The following ABCB5 variants were observed in gnomAD, a reference collection of about 807,000 sequenced individuals.
ABCB5 encodes ATP binding cassette subfamily B member 5, also known as ATP-binding cassette sub-family B member 5.
Under a neutral mutation model 144.2 loss-of-function variants are expected in ABCB5, and 155 were observed. The ratio of observed to expected loss-of-function variants is 1.08; its 90% confidence interval spans 0.94 to 1.23. ABCB5 has a LOEUF of 1.23. Ranked by LOEUF, ABCB5 falls within the 50% of genes most tolerant of loss-of-function variation. The pLI, the probability that ABCB5 is intolerant of heterozygous loss-of-function variation, is 0.00. For synonymous variants in ABCB5, 610 were observed against 528.6 expected, an observed-to-expected ratio of 1.15 and a Z score of -2.11; for missense variants, 1,830 against 1,520.8, an observed-to-expected ratio of 1.20 and a Z score of -3.38.
chr7:20,629,736 T>A (rs1046378384), intron 4 of ABCB5, among the ~76,000 whole-genome samples: 3 of 151,756 alleles, frequency 2.0e-5, no homozygotes, highest in Non-Finnish European at 4.4e-5. Context: ...CACTCCAGCC[T>A]GGGCAACAAG....
rs769995003 is a variant in ABCB5 at position 20,738,995 on chromosome 7, A to C, written c.2880A>C (p.Ala960=). Residue 960 remains alanine (A), a synonymous_variant, in exon 24 of 28, where the codon GCA becomes GCC. Coordinates refer to ENST00000404938, the MANE Select transcript of ABCB5 (RefSeq NM_001163941.2). ...TATCTTTTGATAGAGTTTTTACTGCAATTGCATATGGAGCTATGGCCATCG... is the reference window on the plus strand; with the variant it reads ...TATCTTTTGATAGAGTTTTTACTGCCATTGCATATGGAGCTATGGCCATCG... ...TPEGMFIVFT[A]IAYGAMAIGE... The C allele has an allele frequency of 1.9e-6, 3 of 1,599,026 alleles. No individual in the cohort carries two copies. In the African/African-American group the frequency reaches 4.1e-5, roughly 22 times the overall value.
rs111647033 is a variant in ABCB5, at chr7:20,727,068, G to C, written c.2654G>C (p.Arg885Pro). Reference protein sequence around the residue: ...KIATEALENIRTIVSLTREKA... With the variant: ...KIATEALENIPTIVSLTREKA... ...GCAACTGAAGCTTTGGAGAATATAC[G>C]TACTATAGTGTCATTAACAAGGGAA... The change falls in exon 22 of 28, where the codon CGT (arginine) becomes CCT (proline). Residue 885 changes from arginine to proline, a missense_variant. Transcript: ENST00000404938. 1.0e-4 allele frequency: 165 copies of C among 1,613,234 alleles called. No individual in the cohort carries two copies. The African/African-American group carries it at 1.9e-3, about 19-fold the overall frequency.
chr7:20,688,395 T>G (rs1339406385), intron 16 of ABCB5, among the ~76,000 whole-genome samples: 1 of 152,150 alleles, frequency 6.6e-6, no homozygotes, highest in African/African-American at 2.4e-5. Flanking sequence ...TATGGGGAGT[T>G]GGGTAGCGAA....
At chr7:20,628,862 T>C (rs1005313354) in intron 4 of ABCB5, 24 bp downstream of exon 4, 4 of 1,610,830 alleles carry the variant, frequency 2.5e-6, no homozygotes, top group Non-Finnish European at 3.4e-6. Flanking sequence ...TATTTTTCTG[T>C]ATCACTTAAG....
chr7:20,642,467 G>C (rs1256384399), intron 5 of ABCB5, among the ~76,000 whole-genome samples: 1 of 152,048 alleles, frequency 6.6e-6, no homozygotes, highest in Non-Finnish European at 1.5e-5. Context: ...CCCAACCCAT[G>C]TTTACTCACC....
chr7:20,751,961 G>A (rs1782944492), intron 26 of ABCB5, among the ~76,000 whole-genome samples: 2 of 152,328 alleles, frequency 1.3e-5, no homozygotes, highest in South Asian at 4.1e-4. Context: ...ACCTATGCAT[G>A]TTAAATTGAA....
At chr7:20,731,783 A>C (rs1050464699) in intron 23 of ABCB5, among the ~76,000 whole-genome samples, 21 of 152,136 alleles carry the variant, frequency 1.4e-4, no homozygotes, top group African/African-American at 4.8e-4. Context: ...TGTCCACCAC[A>C]TAAATCACTG....
At chr7:20,664,718 T>C (rs573356444) in intron 14 of ABCB5, among the ~76,000 whole-genome samples, 1,643 of 120,424 alleles carry the variant, frequency 0.014, 23 homozygotes, top group African/African-American at 0.054. Flanking sequence ...CCATTTACTC[T>C]TCTTACCCAC....
chr7:20,662,923 A>G (rs1309882489), intron 14 of ABCB5, among the ~76,000 whole-genome samples: 2 of 152,214 alleles, frequency 1.3e-5, no homozygotes, highest in East Asian at 1.9e-4. Flanking sequence ...CCCCGAAGCC[A>G]TTTGTGGGTC....
intron 17 of ABCB5, among the ~76,000 whole-genome samples, 182 bp from the exon 18 acceptor site, chr7:20,699,643 T>C (rs1335319801): frequency 6.6e-6 from 1 of 151,928 alleles, no homozygotes; most frequent in Admixed American, 6.6e-5. Context: ...AGAGGTTGCA[T>C]TGAGCCAAGA....
At chr7:20,687,894 T>C (rs927129549) in intron 16 of ABCB5, among the ~76,000 whole-genome samples, 1 of 150,446 alleles carries the variant, frequency 6.6e-6, no homozygotes, top group Admixed American at 6.6e-5. Flanking sequence ...CTGAAATAAA[T>C]AAAAATAAAA....
intron 20 of ABCB5, among the ~76,000 whole-genome samples, chr7:20,717,443 T>A (rs1306242090): frequency 1.4e-5 from 2 of 146,464 alleles, no homozygotes; most frequent in Non-Finnish European, 3.1e-5. Context: ...TCCTCTTTTT[T>A]TTTTTTTTTT....
chr7:20,733,871 C>G (rs1782302898), intron 23 of ABCB5, among the ~76,000 whole-genome samples: 1 of 152,088 alleles, frequency 6.6e-6, no homozygotes, highest in South Asian at 2.1e-4. Flanking sequence ...AACTCCGGAC[C>G]TCAAGTGATC....
intron 15 of ABCB5, among the ~76,000 whole-genome samples, chr7:20,685,429 T>A (rs1376401745): frequency 6.6e-6 from 1 of 152,202 alleles, no homozygotes; most frequent in Non-Finnish European, 1.5e-5. Context: ...GTGATATAAT[T>A]GCTTGGATTA....
In ABCB5 at chr7:20,624,263, A is replaced by G. The variant is rs191834042; in HGVS notation, c.53+925A>G. The stretch of plus-strand genomic sequence containing the variant: ...TGTGTTCGGCATATATTCCACAGGA[A>G]GCATTGTAACTGTACAGTTAAGAGT... On this transcript the variant is annotated intron_variant, in intron 2 of 27. Coordinates refer to ENST00000404938, the MANE Select transcript of ABCB5 (RefSeq NM_001163941.2). Among the ~76,000 whole-genome samples the G allele has an allele frequency of 3.0e-3, 461 of 152,310 alleles. 11 individuals are homozygous for G. Among genetic ancestry groups the G allele is most frequent in the Admixed American group, 0.028 (424 of 15,304 alleles).
intron 20 of ABCB5, among the ~76,000 whole-genome samples, chr7:20,715,394 G>C (rs1024520360): frequency 6.6e-6 from 1 of 151,874 alleles, no homozygotes; most frequent in Non-Finnish European, 1.5e-5. Context: ...GAGCTGGAAT[G>C]CGTGGTGTAT....
chr7:20,635,315 A>G (rs1784132784), intron 5 of ABCB5, among the ~76,000 whole-genome samples: 1 of 151,266 alleles, frequency 6.6e-6, no homozygotes, highest in Admixed American at 6.6e-5. Flanking sequence ...GCCTTGTAGT[A>G]CAATTTGAAA....
chr7:20,629,867 T>A (rs1374902605), intron 4 of ABCB5, among the ~76,000 whole-genome samples: 1 of 152,118 alleles, frequency 6.6e-6, no homozygotes, highest in East Asian at 1.9e-4. Context: ...GGTTTTTTGG[T>A]AGTAGTTTTT....
chr7:20,648,692 C>T (rs967929367), intron 11 of ABCB5, among the ~76,000 whole-genome samples: 1 of 152,168 alleles, frequency 6.6e-6, no homozygotes, highest in African/African-American at 2.4e-5. Flanking sequence ...AAAACACTGG[C>T]TTCATAGAAA....
Sources: allele counts gnomAD v4.1 joint callset (sites outside exome capture counted in the v4.1 genomes callset), GRCh38; gene constraint gnomAD v4.1.1; transcripts MANE v1.5; gene names NCBI Gene and HGNC (gene_info 2026-07-23, HGNC 2026-07-21).